Variants in NEB observed in about 807,000 individuals in gnomAD.
The protein encoded by NEB is nebulin.
NEB carries 512 observed loss-of-function variants against 952.2 expected under a neutral mutation model. The ratio of observed to expected loss-of-function variants is 0.54; its 90% CI spans 0.50 to 0.58. The LOEUF is 0.58. Ranked by LOEUF, NEB falls within the 20% of genes least tolerant of loss-of-function variation. The pLI, the probability that NEB is intolerant of heterozygous loss-of-function variation, is 0.00. For missense variants in NEB, 8,428 were observed against 9,231.1 expected (o/e 0.91, Z 3.56); for synonymous variants, 2,900 against 3,149.8 (o/e 0.92, Z 2.66).
chr2:151,632,408 G>GTCCA (rs2098686853), intron 65 of NEB, among the ~76,000 whole-genome samples: 1 of 152,014 alleles, frequency 6.6e-6, no homozygotes, highest in African/African-American at 2.4e-5. Context: ...AGGTGTTGGG[G>GTCCA]TCCACGCCTG....
chr2:151,716,191 T>C, intron 10 of NEB: 1 of 414,358 alleles, frequency 2.4e-6, no homozygotes, highest in Non-Finnish European at 4.7e-6. Flanking sequence ...CAGACTGGAG[T>C]GTAATGGCAC....
At chr2:151,619,906 G>T in intron 72 of NEB, 144 bp from the exon 73 acceptor site, 1 of 826,772 alleles carries the variant, frequency 1.2e-6, no homozygotes, top group South Asian at 2.0e-5. Flanking sequence ...ATATTGGACT[G>T]TTGTGCTCAT....
At chr2:151,573,947 T>A (rs1314917959) in intron 107 of NEB, among the ~76,000 whole-genome samples, 2 of 152,066 alleles carry the variant, frequency 1.3e-5, no homozygotes, top group Admixed American at 6.6e-5. Flanking sequence ...CTTTCCAATA[T>A]TTATCTTCTG....
Position 151,627,841 on chromosome 2 carries a change from T to A in NEB, c.9832-7A>T, listed in dbSNP as rs778183317. 72 of 1,605,324 alleles carry A rather than the reference T, an allele frequency of 4.5e-5. No homozygotes were observed. The highest frequency in any genetic ancestry group is 5.0e-5 in the Non-Finnish European group (59 of 1,173,620). On this transcript the variant is annotated splice_region_variant and splice_polypyrimidine_tract_variant and intron_variant, in intron 68 of 181. Coordinates refer to ENST00000397345, the MANE Select transcript of NEB (RefSeq NM_001164508.2). ...AACCATCTTTGTATTTGTACTGAAA[T>A]AAAGGTGGTCATTTCAAAAATAAAA... is the stretch of plus-strand genomic sequence containing the variant.
intron 130 of NEB, 138 bp downstream of exon 130, chr2:151,549,498 C>T (rs2095113627): frequency 1.5e-6 from 1 of 670,178 alleles, no homozygotes; most frequent in Non-Finnish European, 2.7e-6. Flanking sequence ...AATATGCTGT[C>T]TCTCCTCTCC....
In NEB at chr2:151,629,779, A is replaced by C. The variant is rs149302373; in HGVS notation, c.9724-133T>G. ...CAATTCAAGTTTCTGGCAATAGTGG[A>C]AAGCAAATAAATTATATTCTACCAA... On this transcript the variant is annotated intron_variant, in intron 67 of 181. Coordinates refer to ENST00000397345, the MANE Select transcript of NEB (RefSeq NM_001164508.2). 2.4e-3 allele frequency: 1,615 copies of C among 664,818 alleles called. 20 individuals carry two copies. The African/African-American group carries it at 0.025, about 10-fold the overall frequency. 41.2% of individuals were successfully genotyped at this position (664,818 alleles called of 1,614,324 possible).
intron 155 of NEB, 66 bp from the exon 156 acceptor site, chr2:151,518,488 TTTAGA>T: frequency 2.0e-6 from 2 of 1,004,874 alleles, no homozygotes; most frequent in Non-Finnish European, 3.1e-6. Context: ...ATTTTTCCTC[TTTAGA>T]TTAGACGTTT....
At chr2:151,553,529 G>GAA in intron 126 of NEB, 27 bp from the exon 127 acceptor site, 11 of 1,394,088 alleles carry the variant, frequency 7.9e-6, no homozygotes, top group African/African-American at 1.5e-5. Context: ...GAAAGGATCA[G>GAA]AAAAAAAAAA....
intron 164 of NEB, chr2:151,505,841 T>A (rs1188729945): frequency 1.9e-6 from 1 of 539,276 alleles, no homozygotes; most frequent in Non-Finnish European, 3.3e-6. Context: ...TATACTCCAA[T>A]GTCTTTATGC....
At position 151,687,675 on chromosome 2, in the gene NEB, T is replaced by C; in HGVS notation, c.2474A>G (p.Asp825Gly). The C allele has an allele frequency of 6.2e-7, 1 of 1,607,868 alleles. No homozygotes were observed. Among genetic ancestry groups the C allele is most frequent in the South Asian group, 1.1e-5 (1 of 90,428 alleles). ...SKAKKFDIKV[D>G]AIPLLAAKAN... is the part of the protein sequence containing the mutation. Reference sequence around the variant, plus strand: ...TTTGGCTGCCAACAGGGGAATGGCGTCCACTTTAATGTCAAACTTCTTGGC... The same window carrying C: ...TTTGGCTGCCAACAGGGGAATGGCGCCCACTTTAATGTCAAACTTCTTGGC... Residue 825 changes from aspartate to glycine, a missense_variant, in exon 26 of 182, where the codon GAC becomes GGC. Around this residue, in one of 11 missense-constraint regions of NEB, gnomAD observed 2,851 missense variants for 2,791.5 expected, o/e 1.02. Transcript: ENST00000397345.
At position 151,568,194 on chromosome 2, in the gene NEB, AC is replaced by A; in HGVS notation, c.17737-17del. 6.2e-7 allele frequency: 1 copy of A among 1,608,582 alleles called. No individual in the cohort carries two copies. On this transcript the variant is annotated splice_polypyrimidine_tract_variant and intron_variant, in intron 112 of 181. Transcript: ENST00000397345. ...TGTAGAGATACTGAAAGACAGAGCC[AC>A]CATAAAGGGTTAAAATGAGGAGTCA... is the stretch of plus-strand genomic sequence containing the variant.
At chr2:151,653,546 T>G (rs2099054634) in intron 52 of NEB, among the ~76,000 whole-genome samples, 1 of 152,316 alleles carries the variant, frequency 6.6e-6, no homozygotes, top group African/African-American at 2.4e-5. Context: ...ATTATATAAG[T>G]GCAAAATGGG....
At chr2:151,695,439 G>C in intron 18 of NEB, 139 bp downstream of exon 18, 1 of 676,598 alleles carries the variant, frequency 1.5e-6, no homozygotes, top group Non-Finnish European at 2.6e-6. Context: ...TACTGGCAGA[G>C]GCATAGCAAC....
intron 181 of NEB, among the ~76,000 whole-genome samples, chr2:151,488,291 G>C (rs2152716614): frequency 6.6e-6 from 1 of 152,072 alleles, no homozygotes; most frequent in Non-Finnish European, 1.5e-5. Flanking sequence ...TGATCAAATT[G>C]GCCAGACTTT....
intron 125 of NEB, among the ~76,000 whole-genome samples, chr2:151,554,321 G>A (rs544398473): frequency 1.3e-5 from 2 of 152,262 alleles, no homozygotes; most frequent in African/African-American, 4.8e-5. Context: ...AGCACTATGG[G>A]AGACTGAGGC....
intron 2 of NEB, 32 bp from the exon 3 acceptor site, chr2:151,733,217 TAG>T: frequency 7.2e-7 from 1 of 1,396,178 alleles, no homozygotes; most frequent in East Asian, 2.4e-5. Flanking sequence ...GAAAACATAT[TAG>T]AGTCTATTCC....
chr2:151,531,174 T>A (rs1005905457), intron 144 of NEB, 73 bp from the exon 145 acceptor site: 2 of 1,008,636 alleles, frequency 2.0e-6, no homozygotes, highest in East Asian at 2.6e-5. Flanking sequence ...AAATGCAAAG[T>A]TTTTTCCTGA....
At position 151,640,451 on chromosome 2, in the gene NEB, G is replaced by T. The variant is rs560965487; in HGVS notation, c.8589C>A (p.Ser2863Arg). The T allele has an allele frequency of 6.2e-7, 1 of 1,613,782 alleles. No individual in the cohort carries two copies. Among genetic ancestry groups the T allele is most frequent in the Admixed American group, 1.7e-5 (1 of 59,988 alleles). The part of the protein sequence containing the change: ...VLAKKCQTLV[S>R]DVDYKNYLHQ... ...GCAGGTAGTTCTTGTAGTCCACATC[G>T]CTGACTAAGGTCTGGCACTTCTTGG... is the stretch of plus-strand genomic sequence containing the variant. Residue 2863 changes from serine to arginine, a missense_variant, in exon 61 of 182, where the codon AGC becomes AGA. Transcript: ENST00000397345.
chr2:151,568,364 T>G lies in NEB; in HGVS notation c.17688A>C (p.Glu5896Asp). 1.2e-6 allele frequency: 2 copies of G among 1,613,634 alleles called. No homozygotes were observed. The highest frequency in any genetic ancestry group is 2.2e-5 in the South Asian group (2 of 91,056). The change falls in exon 112 of 182, where the codon GAA (glutamate) becomes GAC (aspartate). Residue 5896 changes from glutamate (E) to aspartate (D), a missense_variant. Physicochemically the swap from Glu to Asp is conservative, Grantham distance 45. Around this residue, in one of 11 missense-constraint regions of NEB, gnomAD observed 3,374 missense variants for 3,651.5 expected, o/e 0.92. Coordinates refer to ENST00000397345, the MANE Select transcript of NEB (RefSeq NM_001164508.2). ...CCTGGGCAGTGTGCAGCAGGGGGGT[T>G]TCTGTGAGGGTGTACTTTGATTTGG... The part of the protein sequence containing the change: ...NATKSKYTLT[E>D]TPLLHTAQEA...
Sources: allele counts gnomAD v4.1 joint callset (sites outside exome capture counted in the v4.1 genomes callset), GRCh38; gene constraint gnomAD v4.1.1; regional missense constraint gnomAD v4.1.1; transcripts MANE v1.5; gene names NCBI Gene and HGNC (gene_info 2026-07-23, HGNC 2026-07-21).